Variants in ARMCX4 observed in about 807,000 individuals in gnomAD.
The protein encoded by ARMCX4 is armadillo repeat containing X-linked 4, also known as armadillo repeat-containing X-linked protein 4.
In ARMCX4, 3 loss-of-function variants were observed where a neutral mutation model predicts 34.7. That is an observed-to-expected ratio of 0.09 (90% CI 0.04 to 0.22). ARMCX4 has a LOEUF of 0.22. ARMCX4 is among the 10% of genes least tolerant of loss of function. The pLI, the probability that ARMCX4 is intolerant of heterozygous loss-of-function variation, is 1.00. For synonymous variants in ARMCX4, 513 were observed against 632.8 expected, an observed-to-expected ratio of 0.81 and a Z score of 2.84; for missense variants, 1,448 against 1,720.8, an observed-to-expected ratio of 0.84 and a Z score of 2.81.
At chrX:101,439,302 A>C (rs1931062644) in intron 2 of ARMCX4, among the ~76,000 whole-genome samples, 2 of 110,937 alleles carry the variant, frequency 1.8e-5, no homozygotes, top group African/African-American at 6.6e-5. Context: ...ATTGGCCCCC[A>C]CTCTCTTCTG....
downstream of ARMCX4, among the ~76,000 whole-genome samples, chrX:101,446,811 G>A (rs1189996102): frequency 1.8e-5 from 2 of 110,737 alleles, no homozygotes; most frequent in Non-Finnish European, 3.8e-5. Context: ...AAAATTAGCC[G>A]GGCGTGGTGG....
downstream of ARMCX4, among the ~76,000 whole-genome samples, chrX:101,534,314 C>T (rs1556022956): frequency 9.0e-6 from 1 of 111,395 alleles, no homozygotes; most frequent in African/African-American, 3.3e-5. Context: ...ACTCAGTTAA[C>T]TTATAAATTA....
intron 11 of ARMCX4, among the ~76,000 whole-genome samples, chrX:101,514,728 T>G (rs1272510679): frequency 9.0e-6 from 1 of 111,605 alleles, no homozygotes; most frequent in African/African-American, 3.3e-5. Flanking sequence ...TGGTCCAACA[T>G]AATCAACCTG....
rs1556010146 is a variant in ARMCX4, at chrX:101,493,004, G to A, written c.4415G>A (p.Arg1472Lys). The A allele has an allele frequency of 2.6e-6, 3 of 1,155,607 alleles. No individual in the cohort carries two copies. Among genetic ancestry groups the A allele is most frequent in the South Asian group, 3.8e-5 (2 of 52,737 alleles). ...ATATTTGAGGATCAGGTCAGTGGCA[G>A]AGGGTCCTGGGCTGATGCCAGGGAG... Reference protein sequence around the residue: ...KPIFEDQVSGRGSWADAREQV... With the variant: ...KPIFEDQVSGKGSWADAREQV... Residue 1472 changes from arginine (R) to lysine (K), a missense_variant, in exon 6 of 6, where the codon AGA (arginine) becomes AAA (lysine). Arg to Lys is a conservative substitution (Grantham distance 26). This residue lies in a region of ARMCX4 where 1,343 missense variants were observed against 1,540.7 expected (regional missense o/e 0.87). Coordinates refer to ENST00000423738, the MANE Select transcript of ARMCX4 (RefSeq NM_001256155.3).
chrX:101,488,312 G>A (rs1933839801), intron 5 of ARMCX4, 132 bp from the exon 6 acceptor site: 1 of 576,620 alleles, frequency 1.7e-6, no homozygotes, highest in African/African-American at 2.3e-5. Flanking sequence ...AAGAGGAATG[G>A]AGAGGCTGCT....
rs782321811 is a variant in ARMCX4 at position 101,487,709 on chromosome X, G to T, written c.-203+18G>T. On this transcript the variant is annotated intron_variant, in intron 4 of 5. Transcript: ENST00000423738. ...ATAGACTGGTAAGAGTGTGGGGACTGCCTGGGTAGACCTCTAGAGTGGGTT... is the reference window on the plus strand; with the variant it reads ...ATAGACTGGTAAGAGTGTGGGGACTTCCTGGGTAGACCTCTAGAGTGGGTT... 3.3e-6 allele frequency: 3 copies of T among 898,431 alleles called. No homozygotes were observed. The South Asian group carries it at 6.3e-5, about 19-fold the overall frequency. 74.0% of individuals were successfully genotyped at this position (898,431 alleles called of 1,213,427 possible). A position where few individuals can be genotyped will look rare whatever the true frequency, so the allele number is the denominator to read the frequency against.
intron 4 of ARMCX4, among the ~76,000 whole-genome samples, chrX:101,471,449 C>A (rs1240269473): frequency 8.9e-6 from 1 of 112,476 alleles, no homozygotes; most frequent in Non-Finnish European, 1.9e-5. Flanking sequence ...TTGGCTTCTA[C>A]TTCTAGTATG....
downstream of ARMCX4, among the ~76,000 whole-genome samples, chrX:101,499,691 G>C (rs1283018483): frequency 1.8e-5 from 2 of 112,032 alleles, no homozygotes; most frequent in Non-Finnish European, 3.8e-5. Context: ...GTGGCAGGTG[G>C]GGAGGCCTGA....
intron 2 of ARMCX4, among the ~76,000 whole-genome samples, chrX:101,440,212 T>G (rs1433150231): frequency 8.9e-6 from 1 of 112,208 alleles, no homozygotes; most frequent in African/African-American, 3.2e-5. Context: ...ACCCTCAGCT[T>G]CAGGTCTGTT....
In ARMCX4 at chrX:101,490,323, C is replaced by T. The variant is rs917240620; in HGVS notation, c.1734C>T (p.Ala578=). The T allele has an allele frequency of 6.1e-6, 7 of 1,154,527 alleles. No homozygotes were observed. Among genetic ancestry groups the T allele is most frequent in the Admixed American group, 2.6e-5 (1 of 38,644 alleles). The part of the protein sequence containing the change: ...GRGNPNATSK[A]GTKADQRVCG... ...GCAATCCTAATGCCACTTCTAAAGC[C>T]GGGACTAAGGCAGACCAGAGGGTCT... The change falls in exon 6 of 6, where the codon GCC becomes GCT. Residue 578 remains alanine (A), a synonymous_variant. Coordinates refer to ENST00000423738, the MANE Select transcript of ARMCX4 (RefSeq NM_001256155.3).
intron 3 of ARMCX4, among the ~76,000 whole-genome samples, chrX:101,445,092 A>G (rs1474946801): frequency 8.9e-6 from 1 of 112,285 alleles, no homozygotes; most frequent in East Asian, 2.8e-4. Flanking sequence ...GACATGATGT[A>G]TTTTAACCAT....
At chrX:101,535,846 G>T (rs1293735925), downstream of ARMCX4, among the ~76,000 whole-genome samples, 1 of 111,061 alleles carries the variant, frequency 9.0e-6, no homozygotes, top group Non-Finnish European at 1.9e-5. Flanking sequence ...ACAACAGAAG[G>T]ATGCTATATT....
intron 2 of ARMCX4, among the ~76,000 whole-genome samples, chrX:101,486,864 C>T (rs1478711733): frequency 4.6e-5 from 5 of 109,351 alleles, no homozygotes; most frequent in Admixed American, 3.0e-4. Flanking sequence ...GAGGTCGAGA[C>T]TGTGGTGAGC....
At chrX:101,442,628 G>C (rs1555997137) in intron 2 of ARMCX4, among the ~76,000 whole-genome samples, 1 of 111,296 alleles carries the variant, frequency 9.0e-6, no homozygotes, top group Admixed American at 9.6e-5. Context: ...GAATACACAG[G>C]GTTTGCCTCA....
intron 10 of ARMCX4, among the ~76,000 whole-genome samples, chrX:101,510,084 A>G (rs1934543623): frequency 8.9e-6 from 1 of 112,137 alleles, no homozygotes; most frequent in South Asian, 3.7e-4. Flanking sequence ...TATTGTTATT[A>G]GTTTCTTTTT....
chrX:101,444,726 A>G (rs1555997672), intron 3 of ARMCX4, among the ~76,000 whole-genome samples: 4 of 112,101 alleles, frequency 3.6e-5, no homozygotes, highest in Non-Finnish European at 7.5e-5. Context: ...TATTGTGTAT[A>G]TTGAAGGTAT....
intron 2 of ARMCX4, chrX:101,443,896 T>G: frequency 2.6e-6 from 1 of 378,925 alleles, no homozygotes; most frequent in Non-Finnish European, 5.1e-6. Context: ...TGCCAGGACC[T>G]GTATGCTTCA....
At chrX:101,433,089 T>TGTATATACAC (rs1930338177) in intron 2 of ARMCX4, among the ~76,000 whole-genome samples, 1 of 40,937 alleles carries the variant, frequency 2.4e-5, no homozygotes, top group Admixed American at 2.3e-4. Context: ...TGTATACATA[T>TGTATATACAC]ATGTGTATAC....
intron 4 of ARMCX4, among the ~76,000 whole-genome samples, chrX:101,454,658 C>T (rs1057449282): frequency 5.8e-4 from 64 of 111,235 alleles, no homozygotes; most frequent in African/African-American, 2.0e-3. Context: ...TCATAATTGG[C>T]TCTTGTAAGT....
Sources: gnomAD v4.1 joint callset for allele counts (sites outside exome capture counted in the v4.1 genomes callset) on GRCh38, gnomAD v4.1.1 for gene constraint, gnomAD v4.1.1 regional missense constraint, MANE v1.5 for transcripts, NCBI Gene and HGNC (gene_info 2026-07-23, HGNC 2026-07-21) for gene names.